Variants in UBN2 observed in about 807,000 individuals in gnomAD.
UBN2 encodes the protein ubinuclein 2.
In UBN2, 35 loss-of-function variants were observed where a neutral mutation model predicts 120.2. The ratio of observed to expected loss-of-function variants is 0.29; its 90% CI spans 0.22 to 0.39. The LOEUF (loss-of-function observed/expected upper bound fraction) is 0.39. UBN2 is among the 10% of genes least tolerant of loss of function. The pLI is 1.00. For missense variants in UBN2, 1,693 were observed against 1,663.2 expected, an observed-to-expected ratio of 1.02 and a Z score of -0.31; for synonymous variants, 661 against 648.7, an observed-to-expected ratio of 1.02 and a Z score of -0.29.
At chr7:139,326,760 C>G in the UBN2 span, among the ~76,000 whole-genome samples, 2 of 152,228 alleles carry the variant, frequency 1.3e-5, no homozygotes, top group African/African-American at 4.8e-5. Context: ...CATCCTGGCA[C>G]ATATGGGAGC....
chr7:139,305,259 T>C lies in UBN2; in HGVS notation c.*7423T>C, dbSNP rs1194462335. 1 of 152,202 alleles carries C rather than the reference T, an allele frequency of 6.6e-6. No homozygotes were observed. Among genetic ancestry groups the C allele is most frequent in the African/African-American group, 2.4e-5 (1 of 41,450 alleles). The allele number at this position is 152,202 out of a possible 1,614,324, so 9.4% of individuals were successfully genotyped here. A position where few individuals can be genotyped will look rare whatever the true frequency, so the allele number is the denominator to read the frequency against. Reference sequence around the variant, plus strand: ...TCTTTATTCAGAGCTCTTAATCATATTGCTACACTAGAATATGAATTGTAT... The same window carrying C: ...TCTTTATTCAGAGCTCTTAATCATACTGCTACACTAGAATATGAATTGTAT... On this transcript the variant is annotated 3_prime_UTR_variant, in exon 18 of 18. Coordinates refer to ENST00000473989, the MANE Select transcript of UBN2 (RefSeq NM_173569.4).
chr7:139,261,140 A>G lies in UBN2; in HGVS notation c.906-112A>G, dbSNP rs1796918280. ...GTATAAGTTAATAAGAAATTAAGAA[A>G]ACTGCTCTGTCACCTGTCAAATTAT... is the stretch of plus-strand genomic sequence containing the variant. On this transcript the variant is annotated intron_variant, in intron 5 of 17. Coordinates refer to ENST00000473989, the MANE Select transcript of UBN2 (RefSeq NM_173569.4). 4 of 1,279,354 alleles carry G rather than the reference A, an allele frequency of 3.1e-6. No individual in the cohort carries two copies. In the African/African-American group the frequency reaches 6.0e-5, roughly 19 times the overall value. The allele number at this position is 1,279,354 out of a possible 1,614,324, so 79.3% of individuals were successfully genotyped here. A position where few individuals can be genotyped will look rare whatever the true frequency, so the allele number is the denominator to read the frequency against.
At chr7:139,322,237 G>T in the UBN2 span, among the ~76,000 whole-genome samples, 2 of 152,168 alleles carry the variant, frequency 1.3e-5, no homozygotes, top group South Asian at 4.1e-4. Context: ...GCCTCCCAAA[G>T]TGCTGGGATT....
At position 139,300,594 on chromosome 7, in the gene UBN2, T is replaced by C. The variant is rs572419659; in HGVS notation, c.*2758T>C. 2.0e-5 allele frequency: 3 copies of C among 152,240 alleles called. No homozygotes were observed. Among genetic ancestry groups the C allele is most frequent in the Non-Finnish European group, 2.9e-5 (2 of 68,044 alleles). The allele number at this position is 152,240 out of a possible 1,614,324, so 9.4% of individuals were successfully genotyped here. ...GGTGAGTCATTGGAAAGGATATCTA[T>C]AGAGCAACGTGTATTTCTGAAGAGC... On this transcript the variant is annotated 3_prime_UTR_variant, in exon 18 of 18. Coordinates refer to ENST00000473989, the MANE Select transcript of UBN2 (RefSeq NM_173569.4).
At position 139,237,073 on chromosome 7, in the gene UBN2, G is replaced by A. The variant is rs1302193946; in HGVS notation, c.537G>A (p.Leu179=). Residue 179 remains leucine (L), a synonymous_variant, in exon 2 of 18, where the codon TTG becomes TTA. Coordinates refer to ENST00000473989, the MANE Select transcript of UBN2 (RefSeq NM_173569.4). ...AGGAGAGGCAAGAGGTGGAAATGTTGGCTAAGAAGTTTGAAATGAAATATG... is the reference window on the plus strand; with the variant it reads ...AGGAGAGGCAAGAGGTGGAAATGTTAGCTAAGAAGTTTGAAATGAAATATG... The part of the protein sequence containing the change: ...EHQERQEVEM[L]AKKFEMKYGG... The A allele has an allele frequency of 6.2e-7, 1 of 1,609,880 alleles. No individual in the cohort carries two copies. The highest frequency in any genetic ancestry group is 8.5e-7 in the Non-Finnish European group (1 of 1,177,336).
chr7:139,266,979 A>G (rs577764946), intron 7 of UBN2, among the ~76,000 whole-genome samples: 1 of 152,340 alleles, frequency 6.6e-6, no homozygotes, highest in South Asian at 2.1e-4. Flanking sequence ...AGCAAATTTT[A>G]TATTTAACTT....
At chr7:139,285,093 T>C (rs1055306046) in intron 15 of UBN2, among the ~76,000 whole-genome samples, 19 of 152,222 alleles carry the variant, frequency 1.2e-4, no homozygotes, top group African/African-American at 4.6e-4. Flanking sequence ...TTTGTAGTTA[T>C]ATATAATTTT....
At chr7:139,246,534 T>C (rs750122991) in intron 2 of UBN2, among the ~76,000 whole-genome samples, 6 of 152,242 alleles carry the variant, frequency 3.9e-5, no homozygotes, top group African/African-American at 1.2e-4. Context: ...GCAGAAATTA[T>C]GAGAGACTTT....
Position 139,261,482 on chromosome 7 carries a change from C to T in UBN2, c.1136C>T (p.Pro379Leu). 6.2e-7 allele frequency: 1 copy of T among 1,614,232 alleles called. No homozygotes were observed. Among genetic ancestry groups the T allele is most frequent in the South Asian group, 1.1e-5 (1 of 91,082 alleles). The change falls in exon 6 of 18, where the codon CCA becomes CTA. Residue 379 changes from proline to leucine, a missense_variant. By Grantham distance (98) the Pro-to-Leu change is moderately conservative (BLOSUM62 -3). Coordinates refer to ENST00000473989, the MANE Select transcript of UBN2 (RefSeq NM_173569.4). ...VPDLNLSSGDPDLPIFVSTNE... is the reference protein window; with the variant it reads ...VPDLNLSSGDLDLPIFVSTNE... Reference sequence around the variant, plus strand: ...GACTTAAATCTGAGCAGCGGTGATCCAGACCTTCCCATTTTTGTTAGCACA... The same window carrying T: ...GACTTAAATCTGAGCAGCGGTGATCTAGACCTTCCCATTTTTGTTAGCACA...
In UBN2 at chr7:139,283,205, T is replaced by C; in HGVS notation, c.2300T>C (p.Leu767Pro). The change falls in exon 15 of 18, where the codon CTG becomes CCG. Residue 767 changes from leucine to proline, a missense_variant. By Grantham distance (98) the Leu-to-Pro change is moderately conservative. This residue lies in a region of UBN2 where 837 missense variants were observed against 817.6 expected (regional missense o/e 1.02). Coordinates refer to ENST00000473989, the MANE Select transcript of UBN2 (RefSeq NM_173569.4). ...DEDLSFHSPS[L>P]DLVSEALAVI... is the part of the protein sequence containing the mutation. ...GACCTTTCTTTCCATTCACCTTCAC[T>C]GGATCTTGTTTCTGAAGCTTTAGCG... is the stretch of plus-strand genomic sequence containing the variant. 2.5e-6 allele frequency: 4 copies of C among 1,612,688 alleles called. No individual in the cohort carries two copies. The highest frequency in any genetic ancestry group is 3.4e-6 in the Non-Finnish European group (4 of 1,179,874).
intron 2 of UBN2, among the ~76,000 whole-genome samples, chr7:139,246,832 G>A (rs1282806708): frequency 6.6e-6 from 1 of 152,060 alleles, no homozygotes; most frequent in African/African-American, 2.4e-5. Flanking sequence ...TTCTGCGTCT[G>A]GGTACTTTGA....
downstream of UBN2, among the ~76,000 whole-genome samples, chr7:139,310,544 G>T (rs1203126169): frequency 6.6e-6 from 1 of 152,184 alleles, no homozygotes; most frequent in Non-Finnish European, 1.5e-5. Flanking sequence ...GCCAAGGGAG[G>T]CGGATCACTT....
rs369958173 is a variant in UBN2 at position 139,283,007 on chromosome 7, A to G, written c.2119-17A>G. 5 of 1,494,982 alleles carry G rather than the reference A, an allele frequency of 3.3e-6. No individual in the cohort carries two copies. The highest frequency in any genetic ancestry group is 2.8e-5 in the African/African-American group (2 of 70,268). The allele number at this position is 1,494,982 out of a possible 1,614,324, so 92.6% of individuals were successfully genotyped here. On this transcript the variant is annotated splice_polypyrimidine_tract_variant and intron_variant, in intron 14 of 17. Coordinates refer to ENST00000473989, the MANE Select transcript of UBN2 (RefSeq NM_173569.4). Reference sequence around the variant, plus strand: ...ATTCACCATTTCTATTTTTTTCCATATGATGCTTTACATTAGGAGTGTAGT... The same window carrying G: ...ATTCACCATTTCTATTTTTTTCCATGTGATGCTTTACATTAGGAGTGTAGT...
Position 139,231,825 on chromosome 7 carries a change from C to G in UBN2, c.341C>G (p.Ser114Cys). The change falls in exon 1 of 18, where the codon TCC (serine) becomes TGC (cysteine). Residue 114 changes from serine to cysteine, a missense_variant. Physicochemically the swap from Ser to Cys is moderately radical, Grantham distance 112. Coordinates refer to ENST00000473989, the MANE Select transcript of UBN2 (RefSeq NM_173569.4). ...CCGCCCCCGCCGCGGGAGTCGGCTT[C>G]CCGGGCTGAGCAGCCGCCGCGGCCG... ...LQPPPPRESA[S>C]RAEQPPRPPR... is the part of the protein sequence containing the mutation. The G allele has an allele frequency of 6.7e-7, 1 of 1,500,868 alleles. No homozygotes were observed. The highest frequency in any genetic ancestry group is 8.8e-7 in the Non-Finnish European group (1 of 1,130,566). 93.0% of individuals were successfully genotyped at this position (1,500,868 alleles called of 1,614,324 possible). A position where few individuals can be genotyped will look rare whatever the true frequency, so the allele number is the denominator to read the frequency against.
rs142037598 is a variant in UBN2 at position 139,254,819 on chromosome 7, A to G, written c.663+2762A>G. On this transcript the variant is annotated intron_variant, in intron 3 of 17. Transcript: ENST00000473989. Reference sequence around the variant, plus strand: ...TTAGAGCAGTTTTAGAGTCACAGCAAAACTGAGCAGAAAGTACAGAGTTTC... The same window carrying G: ...TTAGAGCAGTTTTAGAGTCACAGCAGAACTGAGCAGAAAGTACAGAGTTTC... Among the ~76,000 whole-genome samples, 6 of 152,332 alleles carry G rather than the reference A, an allele frequency of 3.9e-5. No homozygotes were observed. The East Asian group carries it at 1.2e-3, about 29-fold the overall frequency.
At position 139,251,963 on chromosome 7, in the gene UBN2, A is replaced by T. The variant is rs1796635270; in HGVS notation, c.569A>T (p.Lys190Ile). Reference protein sequence around the residue: ...AKKFEMKYGGKPRKHRKDRLQ... With the variant: ...AKKFEMKYGGIPRKHRKDRLQ... Reference sequence around the variant, plus strand: ...TGTATCTGTTCTTTGCAGGGTGGGAAACCCCGTAAACACCGGAAGGATCGG... The same window carrying T: ...TGTATCTGTTCTTTGCAGGGTGGGATACCCCGTAAACACCGGAAGGATCGG... The change falls in exon 3 of 18, where the codon AAA becomes ATA. Residue 190 changes from lysine (K) to isoleucine (I), a missense_variant. Physicochemically the swap from Lys to Ile is moderately radical, Grantham distance 102. Around this residue, in one of 5 missense-constraint regions of UBN2, gnomAD observed 663 missense variants for 591.2 expected, o/e 1.12. Coordinates refer to ENST00000473989, the MANE Select transcript of UBN2 (RefSeq NM_173569.4). The T allele has an allele frequency of 6.2e-7, 1 of 1,613,928 alleles. No homozygotes were observed. The highest frequency in any genetic ancestry group is 1.1e-5 in the South Asian group (1 of 91,082).
chr7:139,316,077 C>CAAAAAAAAAAAAAAAAAAAAAAAAA, the UBN2 span, among the ~76,000 whole-genome samples: 1 of 14,160 alleles, frequency 7.1e-5, no homozygotes. Context: ...GACTTCGTCT[C>CAAAAAAAAAAAAAAAAAAAAAAAAA]AAAAAAAAAA....
In UBN2 at chr7:139,297,913, A is replaced by C. The variant is rs1293176119; in HGVS notation, c.*77A>C. The C allele has an allele frequency of 2.0e-6, 3 of 1,474,634 alleles. No homozygotes were observed. Among genetic ancestry groups the C allele is most frequent in the African/African-American group, 2.8e-5 (2 of 71,976 alleles). The allele number at this position is 1,474,634 out of a possible 1,614,324, so 91.3% of individuals were successfully genotyped here. Reference sequence around the variant, plus strand: ...CTGATGGGAAAGTACTTATGTGGTCATAGGGCTGCTGTTTCTGTCGATGTT... The same window carrying C: ...CTGATGGGAAAGTACTTATGTGGTCCTAGGGCTGCTGTTTCTGTCGATGTT... On this transcript the variant is annotated 3_prime_UTR_variant, in exon 18 of 18. Coordinates refer to ENST00000473989, the MANE Select transcript of UBN2 (RefSeq NM_173569.4).
intron 3 of UBN2, 130 bp from the exon 4 acceptor site, chr7:139,258,358 A>G: frequency 3.3e-6 from 2 of 605,094 alleles, no homozygotes; most frequent in East Asian, 3.0e-5. Flanking sequence ...TATTTTACAA[A>G]CATCCTTATT....
Sources: gnomAD v4.1 joint callset for allele counts (sites outside exome capture counted in the v4.1 genomes callset) on GRCh38, gnomAD v4.1.1 for gene constraint, gnomAD v4.1.1 regional missense constraint, MANE v1.5 for transcripts, NCBI Gene and HGNC (gene_info 2026-07-23, HGNC 2026-07-21) for gene names.